RPA2: variants seen among roughly 807,000 people sequenced by gnomAD.
RPA2 encodes the protein replication protein A 32 kDa subunit.
RPA2 carries 22 observed loss-of-function variants against 33.4 expected under a neutral mutation model. The ratio of observed to expected loss-of-function variants is 0.66; its 90% CI spans 0.47 to 0.94. The LOEUF (loss-of-function observed/expected upper bound fraction) is 0.94. RPA2 is among the 40% of genes least tolerant of loss of function. The pLI, the probability that RPA2 is intolerant of heterozygous loss-of-function variation, is 0.00. For missense variants in RPA2, 279 were observed against 329.9 expected, an observed-to-expected ratio of 0.85 and a Z score of 1.19; for synonymous variants, 109 against 114.9, an observed-to-expected ratio of 0.95 and a Z score of 0.33.
upstream of RPA2, chr1:27,914,771 T>C (rs1312184198): frequency 8.2e-7 from 1 of 1,223,484 alleles, no homozygotes; most frequent in Non-Finnish European, 1.2e-6. Flanking sequence ...GGCAGAGCGG[T>C]ATCGCAAGAA....
chr1:27,891,829 T>G lies in RPA2; in HGVS notation c.*334A>C, dbSNP rs1023452946. Reference sequence around the variant, plus strand: ...GCTCATCTTTCAGCAGTAAACATTTTAAGAAGAGAAACTCCTGAGCACTAT... The same window carrying G: ...GCTCATCTTTCAGCAGTAAACATTTGAAGAAGAGAAACTCCTGAGCACTAT... On this transcript the variant is annotated 3_prime_UTR_variant, in exon 9 of 9. Transcript: ENST00000373912. 7.4e-5 allele frequency: 16 copies of G among 215,960 alleles called. No individual in the cohort carries two copies. The highest frequency in any genetic ancestry group is 1.1e-4 in the Non-Finnish European group (12 of 108,600). 13.4% of individuals were successfully genotyped at this position (215,960 alleles called of 1,614,324 possible).
chr1:27,913,305 T>C lies in RPA2; in HGVS notation c.117+758A>G, dbSNP rs1213133592. Among the ~76,000 whole-genome samples, 3 of 148,358 alleles carry C rather than the reference T, an allele frequency of 2.0e-5. No homozygotes were observed. In the East Asian group the frequency reaches 6.4e-4, roughly 32 times the overall value. Reference sequence around the variant, plus strand: ...ATCCCATTTAATTTAAAAGCGACTTTGGGCCGGGCTCCGTGGCTCACGCCT... The same window carrying C: ...ATCCCATTTAATTTAAAAGCGACTTCGGGCCGGGCTCCGTGGCTCACGCCT... On this transcript the variant is annotated intron_variant, in intron 2 of 8. Coordinates refer to ENST00000373912, the MANE Select transcript of RPA2 (RefSeq NM_002946.5).
chr1:27,899,657 G>T (rs1218073998), intron 4 of RPA2, among the ~76,000 whole-genome samples: 1 of 150,892 alleles, frequency 6.6e-6, no homozygotes, highest in African/African-American at 2.4e-5. Flanking sequence ...TATAATAAAA[G>T]AAACCATAGA....
rs768727779 is a variant in RPA2, at chr1:27,896,993, G to A, written c.525+12C>T. ...AGGGAAGAGAAAAAGCTAGGAAAGC[G>A]AGACTACTCACCTGGCTGTTGGCTT... On this transcript the variant is annotated intron_variant, in intron 6 of 8. Transcript: ENST00000373912. 7.0e-6 allele frequency: 11 copies of A among 1,578,912 alleles called. No individual in the cohort carries two copies. Among genetic ancestry groups the A allele is most frequent in the South Asian group, 2.3e-5 (2 of 86,762 alleles).
intron 2 of RPA2, among the ~76,000 whole-genome samples, chr1:27,910,290 T>C (rs1475706533): frequency 1.3e-5 from 2 of 152,204 alleles, no homozygotes; most frequent in African/African-American, 4.8e-5. Flanking sequence ...GAAGTGCTAA[T>C]ACCAATCTCT....
chr1:27,901,044 A>G (rs1331337063), intron 4 of RPA2, among the ~76,000 whole-genome samples: 1 of 152,258 alleles, frequency 6.6e-6, no homozygotes, highest in Admixed American at 6.5e-5. Flanking sequence ...AGACTACTCC[A>G]TAAGTTTAGT....
rs1039396727 is a variant in RPA2, at chr1:27,891,943, C to T, written c.*220G>A. 8 of 488,118 alleles carry T rather than the reference C, an allele frequency of 1.6e-5. No individual in the cohort carries two copies. Among genetic ancestry groups the T allele is most frequent in the African/African-American group, 3.8e-5 (2 of 52,704 alleles). The allele number at this position is 488,118 out of a possible 1,614,324, so 30.2% of individuals were successfully genotyped here. ...TGTAACTTCCTCAAGAAATCCCACC[C>T]TGGATTGCATCCCTGTCAATTGCCC... On this transcript the variant is annotated 3_prime_UTR_variant, in exon 9 of 9. Coordinates refer to ENST00000373912, the MANE Select transcript of RPA2 (RefSeq NM_002946.5).
intron 6 of RPA2, 25 bp from the exon 7 acceptor site, chr1:27,894,422 T>C (rs1156589733): frequency 1.3e-6 from 2 of 1,586,946 alleles, no homozygotes; most frequent in Non-Finnish European, 1.7e-6. Context: ...AAGTTAGCAA[T>C]ATTAGAAAAT....
At chr1:27,893,957 T>G in intron 8 of RPA2, 55 bp downstream of exon 8, 1 of 1,454,094 alleles carries the variant, frequency 6.9e-7, no homozygotes, top group Non-Finnish European at 9.6e-7. Context: ...GAAACCCTTG[T>G]GAGGTGAAAT....
At chr1:27,905,788 C>T (rs1053562180) in intron 4 of RPA2, among the ~76,000 whole-genome samples, 2 of 132,914 alleles carry the variant, frequency 1.5e-5, no homozygotes, top group Non-Finnish European at 1.6e-5. Context: ...CCACCACACC[C>T]GGCTAATGTT....
chr1:27,898,318 A>G (rs1461410398), intron 4 of RPA2, among the ~76,000 whole-genome samples: 1 of 152,194 alleles, frequency 6.6e-6, no homozygotes, highest in Non-Finnish European at 1.5e-5. Context: ...TAAAGTACAC[A>G]TTTCTATATA....
chr1:27,913,982 C>T, intron 2 of RPA2, 81 bp downstream of exon 2: 2 of 1,305,100 alleles, frequency 1.5e-6, no homozygotes, highest in Non-Finnish European at 2.1e-6. Context: ...AATCTTCCTT[C>T]AAAGCATAAA....
chr1:27,907,044 AG>A lies in RPA2; in HGVS notation c.220-4del, dbSNP rs1199246126. 2 of 1,587,030 alleles carry A rather than the reference AG, an allele frequency of 1.3e-6. No homozygotes were observed. Among genetic ancestry groups the A allele is most frequent in the South Asian group, 2.3e-5 (2 of 85,810 alleles). ...CTGATGATCCCCACAATAGTGACCT[AG>A]GTTAGAAGAAACAAAGAAAAAAAAA... On this transcript the variant is annotated splice_region_variant and splice_polypyrimidine_tract_variant and intron_variant, in intron 3 of 8. Transcript: ENST00000373912.
intron 4 of RPA2, among the ~76,000 whole-genome samples, chr1:27,902,049 A>G (rs2089974251): frequency 6.6e-6 from 1 of 152,116 alleles, no homozygotes; most frequent in South Asian, 2.1e-4. Context: ...GGCTAAAACC[A>G]AAGAAATACA....
intron 8 of RPA2, among the ~76,000 whole-genome samples, chr1:27,893,370 A>G (rs1330916707): frequency 1.3e-5 from 2 of 152,194 alleles, no homozygotes; most frequent in Non-Finnish European, 2.9e-5. Flanking sequence ...CAGTGGCACA[A>G]TGATGGCTCA....
chr1:27,892,612 C>G (rs2089838358), intron 8 of RPA2, among the ~76,000 whole-genome samples: 1 of 152,188 alleles, frequency 6.6e-6, no homozygotes, highest in Non-Finnish European at 1.5e-5. Flanking sequence ...TAAAAGTCCC[C>G]CTTTTCCAGC....
rs567510650 is a variant in RPA2, at chr1:27,892,251, G to C, written c.729-4C>G. 23 of 1,602,060 alleles carry C rather than the reference G, an allele frequency of 1.4e-5. No homozygotes were observed. Among genetic ancestry groups the C allele is most frequent in the Non-Finnish European group, 2.0e-5 (23 of 1,173,552 alleles). On this transcript the variant is annotated splice_region_variant and splice_polypyrimidine_tract_variant and intron_variant, in intron 8 of 8. Coordinates refer to ENST00000373912, the MANE Select transcript of RPA2 (RefSeq NM_002946.5). ...GCTCAGAAAATCCACAGCTTGCCTA[G>C]AAAGAAAGAAGAAAAAAAAAAGGTC... is the stretch of plus-strand genomic sequence containing the variant.
intron 4 of RPA2, among the ~76,000 whole-genome samples, chr1:27,904,156 G>A (rs7533918): frequency 0.44 from 64,833 of 146,992 alleles, 14,788 homozygotes; most frequent in African/African-American, 0.58. Flanking sequence ...CAAGAGCACA[G>A]CTCCATCTCA....
At position 27,891,841 on chromosome 1, in the gene RPA2, C is replaced by G; in HGVS notation, c.*322G>C. ...GCAGTAAACATTTTAAGAAGAGAAA[C>G]TCCTGAGCACTATGTAAGTACTCTC... On this transcript the variant is annotated 3_prime_UTR_variant, in exon 9 of 9. Transcript: ENST00000373912. The G allele has an allele frequency of 4.2e-6, 1 of 240,806 alleles. No individual in the cohort carries two copies. Among genetic ancestry groups the G allele is most frequent in the South Asian group, 1.2e-4 (1 of 8,524 alleles). The allele number at this position is 240,806 out of a possible 1,614,324, so 14.9% of individuals were successfully genotyped here.
Sources: gnomAD v4.1 joint callset for allele counts (sites outside exome capture counted in the v4.1 genomes callset) on GRCh38, gnomAD v4.1.1 for gene constraint, MANE v1.5 for transcripts, NCBI Gene and HGNC (gene_info 2026-07-23, HGNC 2026-07-21) for gene names.